C2CD3: variants seen among roughly 807,000 people sequenced by gnomAD.
The protein encoded by C2CD3 is C2 domain containing 3 centriole elongation regulator.
In C2CD3, 148 loss-of-function variants were observed where a neutral mutation model predicts 234.0. That is an observed-to-expected ratio of 0.63 (90% CI 0.55 to 0.72). The LOEUF is 0.72. Among genes scored for constraint, C2CD3 ranks in the 30% least tolerant of loss-of-function variants. The pLI is 0.00. For missense variants in C2CD3, 2,577 were observed against 2,811.5 expected (o/e 0.92, Z 1.89); for synonymous variants, 1,000 against 1,035.4 (o/e 0.97, Z 0.66).
chr11:74,032,105 A>G (rs1390899066), intron 31 of C2CD3, among the ~76,000 whole-genome samples: 1 of 152,206 alleles, frequency 6.6e-6, no homozygotes, highest in Non-Finnish European at 1.5e-5. Flanking sequence ...CTAGGTCCTG[A>G]GGATGCAGAA....
intron 5 of C2CD3, among the ~76,000 whole-genome samples, chr11:74,135,451 C>T (rs1278297328): frequency 1.3e-5 from 2 of 151,998 alleles, no homozygotes; most frequent in African/African-American, 2.4e-5. Flanking sequence ...GTAATTAATG[C>T]TTACCTTAAG....
At chr11:74,014,347 T>G (rs17132577) in intron 32 of C2CD3, among the ~76,000 whole-genome samples, 2,672 of 152,262 alleles carry the variant, frequency 0.018, 77 homozygotes, top group African/African-American at 0.061. Context: ...GCTGACTTCA[T>G]GGCATGCAGC....
At chr11:74,098,391 G>T in intron 15 of C2CD3, 136 bp from the exon 16 acceptor site, 1 of 867,920 alleles carries the variant, frequency 1.2e-6, no homozygotes, top group Non-Finnish European at 1.7e-6. Flanking sequence ...TTTAAAAAAT[G>T]TGTGCATCTG....
intron 13 of C2CD3, among the ~76,000 whole-genome samples, chr11:74,105,567 G>A (rs73559860): frequency 0.018 from 2,665 of 152,092 alleles, 79 homozygotes; most frequent in African/African-American, 0.061. Flanking sequence ...CACTGCACCC[G>A]GCTGATTTTT....
At chr11:74,068,743 T>G (rs566625882) in intron 24 of C2CD3, among the ~76,000 whole-genome samples, 2 of 152,300 alleles carry the variant, frequency 1.3e-5, no homozygotes, top group South Asian at 4.1e-4. Context: ...TAATTCTAGA[T>G]ATATATCAAC....
rs1162279613 is a variant in C2CD3 at position 74,098,109 on chromosome 11, A to G, written c.2879T>C (p.Met960Thr). 4 of 1,614,092 alleles carry G rather than the reference A, an allele frequency of 2.5e-6. No homozygotes were observed. In the Admixed American group the frequency reaches 6.7e-5, roughly 27 times the overall value. ...TTCATTCTTTAATCTTTGTAGTGCC[A>G]TTATTTGATTTGAAGAACCCATAGC... ...FLAMGSSNQI[M>T]ALQRLKNEEG... The change falls in exon 16 of 33, where the codon ATG becomes ACG. Residue 960 changes from methionine to threonine, a missense_variant. Physicochemically the swap from Met to Thr is moderately conservative, Grantham distance 81. Coordinates refer to ENST00000334126, the MANE Select transcript of C2CD3 (RefSeq NM_001286577.2).
chr11:74,100,416 C>A, intron 15 of C2CD3, 109 bp downstream of exon 15: 1 of 1,039,508 alleles, frequency 9.6e-7, no homozygotes, highest in South Asian at 1.7e-5. Flanking sequence ...GGAAAAAGTC[C>A]TTCAAGGGAT....
Position 74,132,948 on chromosome 11 carries a change from C to G in C2CD3, c.1113G>C (p.Arg371=), listed in dbSNP as rs61741635. The change falls in exon 7 of 33, where the codon CGG becomes CGC. Residue 371 remains arginine (R), a synonymous_variant. Transcript: ENST00000334126. ...GGTGATCTTCAATGTGGTCTTTAAA[C>G]CGATTCCTAGAAAAGGCTCTGATCC... The part of the protein sequence containing the change: ...STQIRAFSRN[R]FKDHIEDHLL... 1.4e-5 allele frequency: 23 copies of G among 1,613,860 alleles called. No individual in the cohort carries two copies. In the South Asian group the frequency reaches 2.0e-4, roughly 14 times the overall value.
rs772275079 is a variant in C2CD3 at position 74,168,296 on chromosome 11, C to T, written c.325+48G>A. ...ACACTTATTGCTGACAATATAACCA[C>T]ATGCTTTGTATTACGTCTGCAGGTG... On this transcript the variant is annotated intron_variant, in intron 2 of 32. Transcript: ENST00000334126. 10 of 1,482,996 alleles carry T rather than the reference C, an allele frequency of 6.7e-6. No homozygotes were observed. The Admixed American group carries it at 1.7e-4, about 25-fold the overall frequency. The allele number at this position is 1,482,996 out of a possible 1,614,324, so 91.9% of individuals were successfully genotyped here. A position where few individuals can be genotyped will look rare whatever the true frequency, so the allele number is the denominator to read the frequency against.
At chr11:74,094,093 TC>T (rs1956011043) in intron 17 of C2CD3, 94 bp from the exon 18 acceptor site, 1 of 998,058 alleles carries the variant, frequency 1.0e-6, no homozygotes. Flanking sequence ...ACTTAGTAAT[TC>T]CCTAGTAGTT....
intron 31 of C2CD3, among the ~76,000 whole-genome samples, chr11:74,031,141 C>T (rs1952508534): frequency 6.6e-6 from 1 of 152,344 alleles, no homozygotes; most frequent in Non-Finnish European, 1.5e-5. Context: ...TAACAGTGAA[C>T]ACTATTCATG....
Position 74,013,511 on chromosome 11 carries a change from G to A in C2CD3, c.6936C>T (p.Ala2312=). The part of the protein sequence containing the change: ...AATTDQDKSE[A]TRGALSQRPC... Reference sequence around the variant, plus strand: ...GCCTTTGGGAGAGAGCTCCCCTGGTGGCTTCGCTCTTGTCCTGGAGAGGAA... The same window carrying A: ...GCCTTTGGGAGAGAGCTCCCCTGGTAGCTTCGCTCTTGTCCTGGAGAGGAA... The change falls in exon 33 of 33, where the codon GCC becomes GCT. Residue 2312 remains alanine, a synonymous_variant. Transcript: ENST00000334126. The A allele has an allele frequency of 7.3e-7, 1 of 1,364,710 alleles. No individual in the cohort carries two copies. The highest frequency in any genetic ancestry group is 9.4e-7 in the Non-Finnish European group (1 of 1,062,206). 84.5% of individuals were successfully genotyped at this position (1,364,710 alleles called of 1,614,324 possible).
chr11:74,096,996 G>T (rs989038953), intron 16 of C2CD3, among the ~76,000 whole-genome samples: 1 of 151,696 alleles, frequency 6.6e-6, no homozygotes, highest in African/African-American at 2.4e-5. Context: ...CTAAAAATAT[G>T]TAAGTTACCA....
intron 18 of C2CD3, among the ~76,000 whole-genome samples, chr11:74,093,555 A>G (rs991023357): frequency 6.6e-6 from 1 of 152,048 alleles, no homozygotes; most frequent in African/African-American, 2.4e-5. Context: ...TTAATACATA[A>G]TAGGAGGTAA....
At chr11:74,057,271 A>G in intron 25 of C2CD3, 135 bp downstream of exon 25, 1 of 846,234 alleles carries the variant, frequency 1.2e-6, no homozygotes, top group Non-Finnish European at 1.9e-6. Context: ...CACTAGGATT[A>G]AATAATTGCT....
intron 3 of C2CD3, among the ~76,000 whole-genome samples, chr11:74,152,333 C>T (rs1855720507): frequency 6.6e-6 from 1 of 152,134 alleles, no homozygotes; most frequent in Non-Finnish European, 1.5e-5. Flanking sequence ...AACCAAACTA[C>T]CAAAGCTCAC....
intron 16 of C2CD3, among the ~76,000 whole-genome samples, chr11:74,096,606 A>C (rs1160434481): frequency 6.6e-6 from 1 of 152,148 alleles, no homozygotes; most frequent in East Asian, 1.9e-4. Context: ...AGGAGGAAAA[A>C]CAATTGTTTT....
At chr11:74,086,724 A>C (rs1046709029) in intron 20 of C2CD3, among the ~76,000 whole-genome samples, 6 of 152,230 alleles carry the variant, frequency 3.9e-5, no homozygotes, top group Non-Finnish European at 5.9e-5. Context: ...GACACTCATA[A>C]AGAGTAGTCA....
At chr11:74,014,809 G>C (rs1313937980) in intron 32 of C2CD3, among the ~76,000 whole-genome samples, 1 of 152,180 alleles carries the variant, frequency 6.6e-6, no homozygotes, top group East Asian at 1.9e-4. Context: ...TGAAATAGAA[G>C]TGTGGATGGG....
Sources: gnomAD v4.1 joint callset for allele counts (sites outside exome capture counted in the v4.1 genomes callset) on GRCh38, gnomAD v4.1.1 for gene constraint, MANE v1.5 for transcripts, NCBI Gene and HGNC (gene_info 2026-07-23, HGNC 2026-07-21) for gene names.